Variants in NIBAN1 observed in about 807,000 individuals in gnomAD.
NIBAN1 encodes protein Niban 1.
In NIBAN1, 81 loss-of-function variants were observed where a neutral mutation model predicts 75.1. That is an observed-to-expected ratio of 1.08 (90% CI 0.90 to 1.30). NIBAN1 has a LOEUF of 1.30. Among genes scored for constraint, NIBAN1 ranks in the 50% most tolerant of loss-of-function variants. The pLI is 0.00. For missense variants in NIBAN1, 1,133 were observed against 1,128.1 expected (o/e 1.00, Z -0.06); for synonymous variants, 436 against 424.8 (o/e 1.03, Z -0.32).
intron 11 of NIBAN1, among the ~76,000 whole-genome samples, chr1:184,804,735 T>A (rs111280303): frequency 1.3e-5 from 2 of 152,232 alleles, no homozygotes; most frequent in African/African-American, 4.8e-5. Context: ...TGCATTGCAA[T>A]TTCATCATTA....
intron 1 of NIBAN1, among the ~76,000 whole-genome samples, chr1:184,904,724 G>A (rs1657045610): frequency 6.6e-6 from 1 of 152,194 alleles, no homozygotes; most frequent in South Asian, 2.1e-4. Context: ...GCCAAGGTGG[G>A]TGGATCACTT....
At chr1:184,867,561 G>A (rs1031413166) in intron 5 of NIBAN1, among the ~76,000 whole-genome samples, 1 of 152,208 alleles carries the variant, frequency 6.6e-6, no homozygotes, top group Non-Finnish European at 1.5e-5. Context: ...CAATGGCTAA[G>A]GTGTGTGATA....
At chr1:184,857,944 T>C (rs1409840553) in intron 5 of NIBAN1, among the ~76,000 whole-genome samples, 4 of 151,732 alleles carry the variant, frequency 2.6e-5, no homozygotes, top group African/African-American at 7.2e-5. Flanking sequence ...AAAATAGCAA[T>C]ATAAAACCTT....
At chr1:184,832,019 G>A in intron 5 of NIBAN1, 57 bp from the exon 6 acceptor site, 1 of 1,258,820 alleles carries the variant, frequency 7.9e-7, no homozygotes. Flanking sequence ...TTTCCCCATA[G>A]CTCTTCAAGT....
chr1:184,791,828 A>T lies in NIBAN1; in HGVS notation c.*3149T>A, dbSNP rs181090379. On this transcript the variant is annotated 3_prime_UTR_variant, in exon 14 of 14. Transcript: ENST00000367511. ...ATGACACATACAAGTCTGTATGAAA[A>T]GCAAAACAAACTCATGGTGATATGC... The T allele has an allele frequency of 6.6e-6, 1 of 152,248 alleles. No homozygotes were observed. Among genetic ancestry groups the T allele is most frequent in the Admixed American group, 6.5e-5 (1 of 15,288 alleles). The allele number at this position is 152,248 out of a possible 1,614,324, so 9.4% of individuals were successfully genotyped here.
At chr1:184,857,240 A>C (rs1358342013) in intron 5 of NIBAN1, among the ~76,000 whole-genome samples, 1 of 152,184 alleles carries the variant, frequency 6.6e-6, no homozygotes, top group Non-Finnish European at 1.5e-5. Flanking sequence ...AAGGCAAGAC[A>C]CCATGAACAA....
At chr1:184,932,799 A>G (rs1279856629) in intron 1 of NIBAN1, among the ~76,000 whole-genome samples, 2 of 152,252 alleles carry the variant, frequency 1.3e-5, no homozygotes, top group African/African-American at 4.8e-5. Flanking sequence ...GGCATAAGCA[A>G]AGAAAAAACT....
In NIBAN1 at chr1:184,911,214, C is replaced by T. The variant is rs118078584; in HGVS notation, c.56-11905G>A. Among the ~76,000 whole-genome samples the T allele has an allele frequency of 4.6e-5, 7 of 152,252 alleles. No individual in the cohort carries two copies. In the East Asian group the frequency reaches 1.4e-3, roughly 29 times the overall value. On this transcript the variant is annotated intron_variant, in intron 1 of 13. Transcript: ENST00000367511. ...ATTTCACTTAATATATATTAAACTC[C>T]TGCATCAATAACAATTAAAAGCAAT...
chr1:184,794,852 G>T lies in NIBAN1; in HGVS notation c.*125C>A, dbSNP rs776065720. Reference sequence around the variant, plus strand: ...TCATGCCCTGTATGCATTTCCTCTGGTTTTATTATTCAAATTAAGAAAATA... The same window carrying T: ...TCATGCCCTGTATGCATTTCCTCTGTTTTTATTATTCAAATTAAGAAAATA... On this transcript the variant is annotated 3_prime_UTR_variant, in exon 14 of 14. Coordinates refer to ENST00000367511, the MANE Select transcript of NIBAN1 (RefSeq NM_052966.4). 1.3e-5 allele frequency: 17 copies of T among 1,286,910 alleles called. No individual in the cohort carries two copies. Among genetic ancestry groups the T allele is most frequent in the Non-Finnish European group, 1.8e-5 (16 of 909,780 alleles). The allele number at this position is 1,286,910 out of a possible 1,614,324, so 79.7% of individuals were successfully genotyped here.
intron 1 of NIBAN1, among the ~76,000 whole-genome samples, chr1:184,965,746 C>T (rs925391953): frequency 6.6e-6 from 1 of 152,156 alleles, no homozygotes; most frequent in Non-Finnish European, 1.5e-5. Flanking sequence ...CAAGCCCCCA[C>T]GGCGCTTCGT....
intron 1 of NIBAN1, among the ~76,000 whole-genome samples, chr1:184,929,014 AC>A (rs1157206344): frequency 2.6e-5 from 4 of 152,194 alleles, no homozygotes; most frequent in Non-Finnish European, 4.4e-5. Context: ...TGGGGAAATA[AC>A]CCCAATGTAA....
intron 1 of NIBAN1, among the ~76,000 whole-genome samples, chr1:184,927,878 C>G (rs968860366): frequency 6.6e-6 from 1 of 151,874 alleles, no homozygotes; most frequent in African/African-American, 2.4e-5. Context: ...AAGACCAAAT[C>G]TTTTACACTC....
intron 5 of NIBAN1, among the ~76,000 whole-genome samples, chr1:184,845,582 C>A (rs980783569): frequency 2.6e-5 from 4 of 152,054 alleles, no homozygotes; most frequent in African/African-American, 4.8e-5. Flanking sequence ...CATAGTGAGA[C>A]CCCCGTCTCT....
chr1:184,845,766 C>T lies in NIBAN1; in HGVS notation c.602-13804G>A, dbSNP rs1262973224. Among the ~76,000 whole-genome samples, 2 of 85,248 alleles carry T rather than the reference C, an allele frequency of 2.3e-5. 1 individual carries two copies. Among genetic ancestry groups the T allele is most frequent in the Non-Finnish European group, 4.7e-5 (2 of 42,316 alleles). The allele number at this position is 85,248 out of a possible 152,430, so 55.9% of individuals were successfully genotyped here. Reference sequence around the variant, plus strand: ...CAGTGGGCGCAGGCCAGTGTGTGTGCGCACCGTGCGCGAGCCGAAGCAGGG... The same window carrying T: ...CAGTGGGCGCAGGCCAGTGTGTGTGTGCACCGTGCGCGAGCCGAAGCAGGG... On this transcript the variant is annotated intron_variant, in intron 5 of 13. Transcript: ENST00000367511.
At chr1:184,926,195 T>C (rs1445217209) in intron 1 of NIBAN1, among the ~76,000 whole-genome samples, 1 of 152,206 alleles carries the variant, frequency 6.6e-6, no homozygotes, top group Non-Finnish European at 1.5e-5. Flanking sequence ...CTAAGAAGTC[T>C]GCTGCCAGAC....
intron 5 of NIBAN1, among the ~76,000 whole-genome samples, chr1:184,852,154 C>A (rs1458995073): frequency 6.6e-6 from 1 of 152,142 alleles, no homozygotes; most frequent in Non-Finnish European, 1.5e-5. Flanking sequence ...AGAGGACATT[C>A]TTTTTTCTTC....
At chr1:184,880,277 G>T (rs1471301720) in intron 5 of NIBAN1, among the ~76,000 whole-genome samples, 2 of 152,180 alleles carry the variant, frequency 1.3e-5, no homozygotes, top group Non-Finnish European at 2.9e-5. Flanking sequence ...GCCATCTGTT[G>T]CCAGCCAAAG....
chr1:184,840,683 A>G (rs1394433578), intron 5 of NIBAN1, among the ~76,000 whole-genome samples: 4 of 151,240 alleles, frequency 2.6e-5, no homozygotes, highest in African/African-American at 9.7e-5. Context: ...GTGAAGACAG[A>G]CTAACCTCAT....
At chr1:184,939,404 T>C (rs35783774) in intron 1 of NIBAN1, among the ~76,000 whole-genome samples, 16,086 of 152,234 alleles carry the variant, frequency 0.11, 1,005 homozygotes, top group Admixed American at 0.16. Context: ...GTCCCCACAA[T>C]AGAGCATGCC....
Sources: allele counts gnomAD v4.1 joint callset (sites outside exome capture counted in the v4.1 genomes callset), GRCh38; gene constraint gnomAD v4.1.1; transcripts MANE v1.5; gene names NCBI Gene and HGNC (gene_info 2026-07-23, HGNC 2026-07-21).